Variants in FBXL7 observed in about 807,000 individuals in gnomAD.
FBXL7 encodes the protein F-box and leucine rich repeat protein 7.
A neutral mutation model predicts 38.3 loss-of-function variants in FBXL7; 12 were observed. The observed-to-expected ratio is 0.31, with a 90% CI of 0.20 to 0.51. The LOEUF is 0.51. Ranked by LOEUF, FBXL7 falls within the 20% of genes least tolerant of loss-of-function variation. FBXL7 has a pLI of 0.98. For synonymous variants in FBXL7, 297 were observed against 300.9 expected (o/e 0.99, Z 0.13); for missense variants, 567 against 676.4 (o/e 0.84, Z 1.79).
At chr5:15,780,476 A>G (rs564858112) in intron 2 of FBXL7, among the ~76,000 whole-genome samples, 1 of 152,280 alleles carries the variant, frequency 6.6e-6, no homozygotes, top group African/African-American at 2.4e-5. Context: ...AAAAAACAGA[A>G]AACAATTTGT....
chr5:15,730,234 A>G (rs928896575), intron 2 of FBXL7, among the ~76,000 whole-genome samples: 2 of 152,154 alleles, frequency 1.3e-5, no homozygotes, highest in African/African-American at 4.8e-5. Context: ...ATTTATCTCA[A>G]AGTTTCGTGT....
intron 2 of FBXL7, among the ~76,000 whole-genome samples, chr5:15,782,212 T>C (rs565519140): frequency 5.5e-4 from 84 of 152,318 alleles, no homozygotes; most frequent in African/African-American, 2.0e-3. Context: ...CCACATTTTC[T>C]TTATCAAGTC....
chr5:15,683,659 C>T (rs1417918979), intron 2 of FBXL7, among the ~76,000 whole-genome samples: 1 of 152,152 alleles, frequency 6.6e-6, no homozygotes, highest in Non-Finnish European at 1.5e-5. Context: ...ACGTAATGCT[C>T]CCCACCCCTC....
chr5:15,541,838 C>G (rs1392830484), intron 1 of FBXL7, among the ~76,000 whole-genome samples: 1 of 152,002 alleles, frequency 6.6e-6, no homozygotes, highest in Non-Finnish European at 1.5e-5. Flanking sequence ...AGCCACCATG[C>G]CTGGCTCCCA....
In FBXL7 at chr5:15,704,635, T is replaced by G. The variant is rs145255077; in HGVS notation, c.127+88563T>G. ...TCAGGATATACTGCATTTCTTCTGT[T>G]TCATTCTTTTGTTGGAGTTAAATAC... is the stretch of plus-strand genomic sequence containing the variant. On this transcript the variant is annotated intron_variant, in intron 2 of 3. Transcript: ENST00000504595. Among the ~76,000 whole-genome samples, 4 of 152,348 alleles carry G rather than the reference T, an allele frequency of 2.6e-5. No homozygotes were observed. The East Asian group carries it at 7.7e-4, about 29-fold the overall frequency.
At chr5:15,915,600 C>A (rs1417766668) in intron 2 of FBXL7, among the ~76,000 whole-genome samples, 4 of 152,114 alleles carry the variant, frequency 2.6e-5, no homozygotes, top group Non-Finnish European at 1.5e-5. Context: ...ACCTTATTTC[C>A]AAATAAGGTC....
intron 2 of FBXL7, among the ~76,000 whole-genome samples, chr5:15,752,795 T>A (rs945551461): frequency 6.6e-6 from 1 of 152,220 alleles, no homozygotes; most frequent in African/African-American, 2.4e-5. Context: ...TCCTCAAGGC[T>A]TCTTTTACAG....
intron 2 of FBXL7, among the ~76,000 whole-genome samples, chr5:15,875,010 A>G (rs1006738522): frequency 5.3e-5 from 8 of 152,228 alleles, no homozygotes; most frequent in Non-Finnish European, 8.8e-5. Context: ...CTGACTTCAA[A>G]CTATACTACA....
chr5:15,849,685 C>T (rs1264603574), intron 2 of FBXL7, among the ~76,000 whole-genome samples: 1 of 152,182 alleles, frequency 6.6e-6, no homozygotes, highest in Non-Finnish European at 1.5e-5. Flanking sequence ...TCAGGTGTGT[C>T]TTTATTAGCA....
intron 2 of FBXL7, among the ~76,000 whole-genome samples, chr5:15,709,951 C>T (rs879733852): frequency 7.2e-5 from 11 of 152,176 alleles, no homozygotes; most frequent in South Asian, 6.2e-4. Context: ...TGACAATCAC[C>T]TCCTAAAGCC....
In FBXL7 at chr5:15,744,267, G is replaced by A. The variant is rs1561109025; in HGVS notation, c.127+128195G>A. On this transcript the variant is annotated intron_variant, in intron 2 of 3. Transcript: ENST00000504595. ...TGCTCTGCTTCTTCTTGAACACGTT[G>A]CCACTTAGAAATTTCTTCTGCCAGG... Among the ~76,000 whole-genome samples the A allele has an allele frequency of 2.6e-5, 4 of 152,094 alleles. No homozygotes were observed. In the South Asian group the frequency reaches 6.2e-4, roughly 24 times the overall value.
intron 1 of FBXL7, among the ~76,000 whole-genome samples, chr5:15,541,891 C>G (rs1183709300): frequency 1.3e-5 from 2 of 152,042 alleles, no homozygotes; most frequent in South Asian, 2.1e-4. Flanking sequence ...TCTGGTTTAC[C>G]TTACTTAACC....
chr5:15,900,643 C>A (rs1741212101), intron 2 of FBXL7, among the ~76,000 whole-genome samples: 1 of 152,104 alleles, frequency 6.6e-6, no homozygotes, highest in Non-Finnish European at 1.5e-5. Context: ...ACCTTATGAG[C>A]AAACATCATA....
intron 2 of FBXL7, among the ~76,000 whole-genome samples, chr5:15,753,731 A>C (rs1736214400): frequency 6.6e-6 from 1 of 152,222 alleles, no homozygotes; most frequent in South Asian, 2.1e-4. Flanking sequence ...TAGAAGACTT[A>C]GCTGTCTGCA....
chr5:15,864,428 C>T (rs1405475786), intron 2 of FBXL7, among the ~76,000 whole-genome samples: 2 of 150,768 alleles, frequency 1.3e-5, no homozygotes, highest in Non-Finnish European at 3.0e-5. Flanking sequence ...CTGAATTACT[C>T]AGCCTAGGTA....
At chr5:15,771,326 A>G (rs1358738393) in intron 2 of FBXL7, among the ~76,000 whole-genome samples, 1 of 152,226 alleles carries the variant, frequency 6.6e-6, no homozygotes, top group South Asian at 2.1e-4. Context: ...CAAATGGCTC[A>G]AAACAGTGGA....
At chr5:15,625,651 C>T (rs1409277668) in intron 2 of FBXL7, among the ~76,000 whole-genome samples, 2 of 152,090 alleles carry the variant, frequency 1.3e-5, no homozygotes, top group African/African-American at 4.8e-5. Context: ...GAGACTCTGT[C>T]TCAAAAAAAC....
intron 2 of FBXL7, among the ~76,000 whole-genome samples, chr5:15,799,356 C>CTTTTTTTTTTTTT (rs34953272): frequency 1.1e-5 from 1 of 90,876 alleles, no homozygotes; most frequent in Non-Finnish European, 2.0e-5. Flanking sequence ...AAACCCCTCC[C>CTTTTTTTTTTTTT]TTTTTTTTTT....
chr5:15,583,784 C>T (rs978535081), intron 1 of FBXL7, among the ~76,000 whole-genome samples: 3 of 152,150 alleles, frequency 2.0e-5, no homozygotes, highest in Non-Finnish European at 4.4e-5. Context: ...GGATGATGGT[C>T]CTCTTCTCAC....
Sources: allele counts gnomAD v4.1 joint callset (sites outside exome capture counted in the v4.1 genomes callset), GRCh38; gene constraint gnomAD v4.1.1; transcripts MANE v1.5; gene names NCBI Gene and HGNC (gene_info 2026-07-23, HGNC 2026-07-21).